Variants in FREM1 observed in about 807,000 individuals in gnomAD.
FREM1 encodes FRAS1-related extracellular matrix protein 1.
Under a neutral mutation model 210.1 loss-of-function variants are expected in FREM1, and 220 were observed. The ratio of observed to expected loss-of-function variants is 1.05; its 90% CI spans 0.94 to 1.17. FREM1 has a LOEUF of 1.17. FREM1 is among the 50% of genes most tolerant of loss of function. The pLI is 0.00. For missense variants in FREM1, 3,454 were observed against 2,675.5 expected (o/e 1.29, Z -6.42); for synonymous variants, 1,189 against 980.2 (o/e 1.21, Z -3.98).
chr9:14,874,558 T>A (rs906930224), intron 1 of FREM1, among the ~76,000 whole-genome samples: 3 of 150,978 alleles, frequency 2.0e-5, no homozygotes, highest in African/African-American at 7.4e-5. Context: ...AGCCTATGTG[T>A]GTCTCTGCAC....
chr9:14,738,986 G>A (rs1353561498), intron 36 of FREM1, among the ~76,000 whole-genome samples: 2 of 129,260 alleles, frequency 1.5e-5, no homozygotes, highest in African/African-American at 6.0e-5. Flanking sequence ...CTCCAGCCTG[G>A]GTGACACAGT....
intron 14 of FREM1, 128 bp downstream of exon 14, chr9:14,819,106 G>T (rs1588157166): frequency 1.8e-6 from 1 of 559,738 alleles, no homozygotes. Flanking sequence ...CTGACCCGTT[G>T]AGTGTGTTAA....
chr9:14,760,501 A>G (rs371057688), intron 27 of FREM1, among the ~76,000 whole-genome samples: 1 of 152,204 alleles, frequency 6.6e-6, no homozygotes, highest in Non-Finnish European at 1.5e-5. Context: ...ATGCAACTAT[A>G]TAACTAAATA....
chr9:14,768,180 C>T (rs1238623124), intron 27 of FREM1, among the ~76,000 whole-genome samples: 2 of 152,142 alleles, frequency 1.3e-5, no homozygotes, highest in East Asian at 1.9e-4. Flanking sequence ...AGCTACACTG[C>T]GCTCACACAT....
chr9:14,759,848 C>T lies in FREM1; in HGVS notation c.5258G>A (p.Cys1753Tyr), dbSNP rs1484130565. 1.2e-6 allele frequency: 2 copies of T among 1,612,656 alleles called. No individual in the cohort carries two copies. The highest frequency in any genetic ancestry group is 2.2e-5 in the South Asian group (2 of 90,852). ...IEWSQTEYEV[C>Y]ENVGLLPLEI... ...CAAGGGCAACAAACCCACATTCTCA[C>T]AGACTTCATATTCGGTCTGTGACCA... Residue 1753 changes from cysteine to tyrosine, a missense_variant, in exon 28 of 37, where the codon TGT becomes TAT. Coordinates refer to ENST00000380880, the MANE Select transcript of FREM1 (RefSeq NM_001379081.2).
At chr9:14,809,067 G>C (rs993862895) in intron 16 of FREM1, among the ~76,000 whole-genome samples, 2 of 152,208 alleles carry the variant, frequency 1.3e-5, no homozygotes, top group African/African-American at 2.4e-5. Flanking sequence ...AGTGGGAGGT[G>C]ACTGAATTTA....
At chr9:14,792,446 G>A (rs951176593) in intron 22 of FREM1, among the ~76,000 whole-genome samples, 2 of 152,060 alleles carry the variant, frequency 1.3e-5, no homozygotes, top group Non-Finnish European at 2.9e-5. Flanking sequence ...AAAAGATCCT[G>A]GATTATCCTC....
rs1429190733 is a variant in FREM1 at position 14,851,463 on chromosome 9, C to A, written c.973G>T (p.Asp325Tyr). 7 of 1,613,834 alleles carry A rather than the reference C, an allele frequency of 4.3e-6. No homozygotes were observed. The highest frequency in any genetic ancestry group is 5.9e-6 in the Non-Finnish European group (7 of 1,179,874). The change falls in exon 6 of 37, where the codon GAT becomes TAT. Residue 325 changes from aspartate (D) to tyrosine (Y), a missense_variant. Asp to Tyr is a radical substitution (Grantham distance 160, BLOSUM62 -3). Coordinates refer to ENST00000380880, the MANE Select transcript of FREM1 (RefSeq NM_001379081.2). The stretch of plus-strand genomic sequence containing the variant: ...ACCAGCAAGGGTTTAGGGGTCTCAT[C>A]TTCTTCACAGTCCAGAACTGATGTA... ...LTTSVLDCEE[D>Y]ETPKPLLVFN...
At chr9:14,865,575 T>C (rs1362659734) in intron 2 of FREM1, among the ~76,000 whole-genome samples, 17 of 152,200 alleles carry the variant, frequency 1.1e-4, no homozygotes, top group Admixed American at 1.1e-3. Flanking sequence ...CAGGGTGTTG[T>C]TAATACAGTC....
chr9:14,846,962 G>C (rs904085542), intron 7 of FREM1, among the ~76,000 whole-genome samples: 1 of 152,160 alleles, frequency 6.6e-6, no homozygotes. Context: ...CTGCCCTCTA[G>C]TGGCGGCAGG....
chr9:14,804,974 A>G lies in FREM1; in HGVS notation c.3453T>C (p.Phe1151=), dbSNP rs1488915933. ...TTCTTACAGTAATATTCTGCACTAC[A>G]AAGTCAGGAGCTTCATCATTTGTGG... The part of the protein sequence containing the change: ...INPTNDEAPD[F]VVQNITVCEG... Residue 1151 remains phenylalanine, a synonymous_variant, in exon 19 of 37, where the codon TTT becomes TTC. Coordinates refer to ENST00000380880, the MANE Select transcript of FREM1 (RefSeq NM_001379081.2). 1 of 1,612,596 alleles carries G rather than the reference A, an allele frequency of 6.2e-7. No homozygotes were observed. Among genetic ancestry groups the G allele is most frequent in the Non-Finnish European group, 8.5e-7 (1 of 1,178,612 alleles).
chr9:14,861,004 CATA>C lies in FREM1; in HGVS notation c.330-1523_330-1521del, dbSNP rs1564104387. On this transcript the variant is annotated intron_variant, in intron 3 of 36. Coordinates refer to ENST00000380880, the MANE Select transcript of FREM1 (RefSeq NM_001379081.2). ...ATACACATATATACATATATATACA[CATA>C]TATACATATATACACATATATACAT... Among the ~76,000 whole-genome samples, 88 of 95,736 alleles carry C rather than the reference CATA, an allele frequency of 9.2e-4. 2 individuals carry two copies. The highest frequency in any genetic ancestry group is 4.2e-3 in the African/African-American group (86 of 20,508). The allele number at this position is 95,736 out of a possible 152,430, so 62.8% of individuals were successfully genotyped here.
chr9:14,755,871 A>G (rs1473421614), intron 29 of FREM1, among the ~76,000 whole-genome samples: 1 of 152,230 alleles, frequency 6.6e-6, no homozygotes, highest in Admixed American at 6.5e-5. Context: ...ACTTGCACCT[A>G]GCAAAATTTT....
At chr9:14,877,868 A>T (rs1172264092) in intron 1 of FREM1, among the ~76,000 whole-genome samples, 1 of 152,200 alleles carries the variant, frequency 6.6e-6, no homozygotes, top group Non-Finnish European at 1.5e-5. Flanking sequence ...ATAAATTTGT[A>T]TTGTTTTAAG....
chr9:14,802,084 G>T (rs1817392616), intron 19 of FREM1, among the ~76,000 whole-genome samples: 1 of 152,128 alleles, frequency 6.6e-6, no homozygotes, highest in Non-Finnish European at 1.5e-5. Flanking sequence ...TTTTTCTGAA[G>T]ATTTCAAAGC....
intron 8 of FREM1, among the ~76,000 whole-genome samples, chr9:14,844,081 A>T (rs1308218391): frequency 6.6e-6 from 1 of 151,902 alleles, no homozygotes; most frequent in Non-Finnish European, 1.5e-5. Context: ...TGTCTGTCAC[A>T]AAGTAAAGCT....
At chr9:14,910,958 T>A (rs1385502386), upstream of FREM1, 1 of 152,230 alleles carries the variant, frequency 6.6e-6, no homozygotes, top group East Asian at 1.9e-4. Context: ...TGTTTTTAAG[T>A]ACCACCTTAG....
Position 14,823,227 on chromosome 9 carries a change from T to A in FREM1, c.2270A>T (p.His757Leu). The A allele has an allele frequency of 6.2e-7, 1 of 1,613,942 alleles. No homozygotes were observed. The highest frequency in any genetic ancestry group is 8.5e-7 in the Non-Finnish European group (1 of 1,179,824). ...GCAGATCCCATGCAAAGTACCGCCA[T>A]GTTGGTTACTGACAGAAAATGTGAA... ...VQFTFSVSNQ[H>L]GGTLHGICFN... The change falls in exon 13 of 37, where the codon CAT (histidine) becomes CTT (leucine). Residue 757 changes from histidine to leucine, a missense_variant. His to Leu is a moderately conservative substitution (Grantham distance 99). Transcript: ENST00000380880.
chr9:14,848,016 A>C (rs16932343), intron 7 of FREM1, among the ~76,000 whole-genome samples: 4,937 of 152,334 alleles, frequency 0.032, 286 homozygotes, highest in African/African-American at 0.11. Context: ...CAGCTCGTTT[A>C]AGCTGCCACC....
Sources: gnomAD v4.1 joint callset for allele counts (sites outside exome capture counted in the v4.1 genomes callset) on GRCh38, gnomAD v4.1.1 for gene constraint, MANE v1.5 for transcripts, NCBI Gene and HGNC (gene_info 2026-07-23, HGNC 2026-07-21) for gene names.